TINAG: variants seen among roughly 807,000 people sequenced by gnomAD.
TINAG encodes the protein tubulointerstitial nephritis antigen.
In TINAG, 83 loss-of-function variants were observed where a neutral mutation model predicts 72.7. That is an observed-to-expected ratio of 1.14 (90% confidence interval 0.96 to 1.37). TINAG has a LOEUF of 1.37. Ranked by LOEUF, TINAG falls within the 40% of genes most tolerant of loss-of-function variation. The probability of loss-of-function intolerance (pLI) is 0.00; values close to 1 mark genes in which losing one functional copy is unlikely to be tolerated. For synonymous variants in TINAG, 234 were observed against 189.9 expected, an observed-to-expected ratio of 1.23 and a Z score of -1.91; for missense variants, 685 against 576.6, an observed-to-expected ratio of 1.19 and a Z score of -1.93.
chr6:54,368,830 A>G (rs1763516434), intron 9 of TINAG, among the ~76,000 whole-genome samples: 1 of 151,698 alleles, frequency 6.6e-6, no homozygotes, highest in Admixed American at 6.6e-5. Flanking sequence ...TTTAAAAACT[A>G]CTATTAAGTA....
At chr6:54,383,305 A>G (rs1243535114) in intron 10 of TINAG, among the ~76,000 whole-genome samples, 2 of 152,160 alleles carry the variant, frequency 1.3e-5, no homozygotes, top group African/African-American at 2.4e-5. Context: ...GGAAAGTTTT[A>G]TTTCTGCACA....
At chr6:54,387,222 C>T (rs1198025767) in intron 10 of TINAG, among the ~76,000 whole-genome samples, 1 of 152,068 alleles carries the variant, frequency 6.6e-6, no homozygotes, top group Non-Finnish European at 1.5e-5. Context: ...ACTTCATATA[C>T]ACTAGATTAG....
Position 54,308,794 on chromosome 6 carries a change from T to G in TINAG, c.244T>G (p.Tyr82Asp). 6.2e-7 allele frequency: 1 copy of G among 1,613,902 alleles called. No individual in the cohort carries two copies. Among genetic ancestry groups the G allele is most frequent in the South Asian group, 1.1e-5 (1 of 91,088 alleles). The change falls in exon 1 of 11, where the codon TAC becomes GAC. Residue 82 changes from tyrosine (Y) to aspartate (D), a missense_variant. Transcript: ENST00000259782. The part of the protein sequence containing the change: ...TEFYAANALC[Y>D]CDKFCDRENS... ...GTTCTATGCGGCGAATGCGTTGTGC[T>G]ACTGTGATAAATTCTGTGACAGAGA...
intron 4 of TINAG, among the ~76,000 whole-genome samples, chr6:54,341,286 G>A (rs992081224): frequency 6.6e-6 from 1 of 152,114 alleles, no homozygotes; most frequent in African/African-American, 2.4e-5. Flanking sequence ...CCTTTCAAAA[G>A]TGAGTCTGTA....
At position 54,380,662 on chromosome 6, in the gene TINAG, A is replaced by G. The variant is rs765892994; in HGVS notation, c.1296+91A>G. 3.2e-5 allele frequency: 33 copies of G among 1,029,700 alleles called. No homozygotes were observed. The South Asian group carries it at 4.1e-4, about 13-fold the overall frequency. 63.8% of individuals were successfully genotyped at this position (1,029,700 alleles called of 1,614,324 possible). Reference sequence around the variant, plus strand: ...GCTACCTGCTTTGTATTATTTAGTCACATCCTCAGCTGTGTAATATTGTTG... The same window carrying G: ...GCTACCTGCTTTGTATTATTTAGTCGCATCCTCAGCTGTGTAATATTGTTG... On this transcript the variant is annotated intron_variant, in intron 10 of 10. Coordinates refer to ENST00000259782, the MANE Select transcript of TINAG (RefSeq NM_014464.4).
intron 9 of TINAG, among the ~76,000 whole-genome samples, chr6:54,371,734 G>A: frequency 6.6e-6 from 1 of 151,990 alleles, no homozygotes; most frequent in East Asian, 1.9e-4. Flanking sequence ...GTTTAAGAAA[G>A]ACACATAAGT....
chr6:54,363,634 AAC>A (rs1763313398), intron 9 of TINAG, among the ~76,000 whole-genome samples: 2 of 151,252 alleles, frequency 1.3e-5, no homozygotes, highest in Admixed American at 6.6e-5. Context: ...AAAAAAAAAA[AAC>A]AGGCAGATTT....
At chr6:54,379,388 T>C (rs1426469972) in intron 9 of TINAG, among the ~76,000 whole-genome samples, 1 of 152,184 alleles carries the variant, frequency 6.6e-6, no homozygotes, top group African/African-American at 2.4e-5. Context: ...CTGGATTTAA[T>C]CATGAAGAAA....
At chr6:54,350,060 T>C (rs1334198955) in intron 7 of TINAG, among the ~76,000 whole-genome samples, 164 bp downstream of exon 7, 1 of 152,002 alleles carries the variant, frequency 6.6e-6, no homozygotes, top group Admixed American at 6.6e-5. Flanking sequence ...TCAGTTTGGG[T>C]ATGATGTCTT....
chr6:54,351,264 A>G, intron 7 of TINAG, 88 bp from the exon 8 acceptor site: 2 of 1,188,684 alleles, frequency 1.7e-6, no homozygotes, highest in Non-Finnish European at 1.2e-6. Flanking sequence ...TTGAGAGTAA[A>G]TTGCAAACAC....
chr6:54,388,171 T>C (rs1257816865), intron 10 of TINAG, among the ~76,000 whole-genome samples: 1 of 152,184 alleles, frequency 6.6e-6, no homozygotes, highest in African/African-American at 2.4e-5. Context: ...AGGTTGTGAC[T>C]AATTTTATTT....
At chr6:54,358,865 G>A (rs981346800) in intron 9 of TINAG, among the ~76,000 whole-genome samples, 6 of 151,770 alleles carry the variant, frequency 4.0e-5, no homozygotes. Context: ...TACGGGAAGG[G>A]ATTGACATCT....
chr6:54,336,316 T>C (rs10484642), intron 4 of TINAG, among the ~76,000 whole-genome samples: 21,192 of 152,206 alleles, frequency 0.14, 1,664 homozygotes, highest in Non-Finnish European at 0.17. Flanking sequence ...TAGCAGGGTT[T>C]TGAGGCAAGT....
rs9349707 is a variant in TINAG at position 54,373,052 on chromosome 6, C to T, written c.1251-7474C>T. 9.2e-3 allele frequency among the ~76,000 whole-genome samples: 1,398 copies of T among 152,102 alleles called. 28 individuals carry two copies. The highest frequency in any genetic ancestry group is 0.053 in the East Asian group (273 of 5,154). On this transcript the variant is annotated intron_variant, in intron 9 of 10. Transcript: ENST00000259782. ...TTTATTTTGATCCTTAAGATAAATG[C>T]ATTAAATATTACTCTTCTCCATTCC...
At chr6:54,331,899 C>A (rs887829369) in intron 4 of TINAG, among the ~76,000 whole-genome samples, 1 of 152,276 alleles carries the variant, frequency 6.6e-6, no homozygotes, top group African/African-American at 2.4e-5. Context: ...ATACAACCTA[C>A]AAGGGATGTG....
chr6:54,376,644 A>G (rs1374085586), intron 9 of TINAG, among the ~76,000 whole-genome samples: 2 of 152,194 alleles, frequency 1.3e-5, no homozygotes, highest in Admixed American at 6.6e-5. Context: ...AGTGTTTAGC[A>G]TAGTTATCTA....
intron 1 of TINAG, among the ~76,000 whole-genome samples, chr6:54,309,838 CTG>C (rs1261120848): frequency 1.2e-5 from 1 of 81,342 alleles, no homozygotes; most frequent in East Asian, 2.7e-4. Context: ...CAGAGCAAGA[CTG>C]TGTCAAAAAA....
rs1764193445 is a variant in TINAG at position 54,389,725 on chromosome 6, C to T, written c.1297-66C>T. Reference sequence around the variant, plus strand: ...CATTTAAAGTTACAAATGAGTTCTCCATGGCTTTTTTTAAAAAATACCAAA... The same window carrying T: ...CATTTAAAGTTACAAATGAGTTCTCTATGGCTTTTTTTAAAAAATACCAAA... On this transcript the variant is annotated intron_variant, in intron 10 of 10. Coordinates refer to ENST00000259782, the MANE Select transcript of TINAG (RefSeq NM_014464.4). 6.5e-6 allele frequency: 10 copies of T among 1,530,316 alleles called. No individual in the cohort carries two copies. In the Admixed American group the frequency reaches 2.1e-4, roughly 31 times the overall value. The allele number at this position is 1,530,316 out of a possible 1,614,324, so 94.8% of individuals were successfully genotyped here.
At position 54,331,392 on chromosome 6, in the gene TINAG, C is replaced by T. The variant is rs139440624; in HGVS notation, c.624+4476C>T. ...TCTCAATAGATGCAGAAAAGACCTT[C>T]GATAAAACTCAACACCCCTTCATGC... On this transcript the variant is annotated intron_variant, in intron 4 of 10. Transcript: ENST00000259782. Among the ~76,000 whole-genome samples the T allele has an allele frequency of 3.3e-3, 498 of 152,174 alleles. 4 individuals are homozygous for T. Among genetic ancestry groups the T allele is most frequent in the African/African-American group, 0.011 (468 of 41,526 alleles).
Sources: gnomAD v4.1 joint callset for allele counts (sites outside exome capture counted in the v4.1 genomes callset) on GRCh38, gnomAD v4.1.1 for gene constraint, MANE v1.5 for transcripts, NCBI Gene and HGNC (gene_info 2026-07-23, HGNC 2026-07-21) for gene names.